Variants in SCFD2 observed in about 807,000 individuals in gnomAD.
SCFD2 encodes sec1 family domain containing 2.
Under a neutral mutation model 58.9 loss-of-function variants are expected in SCFD2, and 54 were observed. That is an observed-to-expected ratio of 0.92 (90% CI 0.74 to 1.15). The LOEUF is 1.15. Ranked by LOEUF, SCFD2 falls within the 50% of genes most tolerant of loss-of-function variation. The probability of loss-of-function intolerance (pLI) is 0.00; values close to 1 mark genes in which losing one functional copy is unlikely to be tolerated. For synonymous variants in SCFD2, 321 were observed against 335.9 expected (o/e 0.96, Z 0.49); for missense variants, 805 against 836.6 (o/e 0.96, Z 0.47).
chr4:53,287,150 T>C (rs1290059127), intron 3 of SCFD2, among the ~76,000 whole-genome samples: 5 of 152,168 alleles, frequency 3.3e-5, no homozygotes, highest in African/African-American at 1.2e-4. Context: ...TCCCCAACTT[T>C]GTGGGAGAGT....
intron 7 of SCFD2, among the ~76,000 whole-genome samples, chr4:52,897,205 T>C (rs1176530597): frequency 6.6e-6 from 1 of 151,962 alleles, no homozygotes; most frequent in Non-Finnish European, 1.5e-5. Context: ...TGAACAGGAG[T>C]GGTGAGAGAG....
intron 5 of SCFD2, among the ~76,000 whole-genome samples, chr4:53,072,913 T>C (rs1723863341): frequency 1.3e-5 from 2 of 152,136 alleles, no homozygotes; most frequent in African/African-American, 4.8e-5. Flanking sequence ...GACAGTGATG[T>C]CGCTTCATTA....
At chr4:53,349,056 C>G (rs1300771388) in intron 2 of SCFD2, among the ~76,000 whole-genome samples, 1 of 152,028 alleles carries the variant, frequency 6.6e-6, no homozygotes, top group Non-Finnish European at 1.5e-5. Context: ...CACTCATAGT[C>G]TAATGAGAAG....
chr4:53,341,016 G>C (rs1462142403), intron 2 of SCFD2, among the ~76,000 whole-genome samples: 1 of 152,176 alleles, frequency 6.6e-6, no homozygotes, highest in Non-Finnish European at 1.5e-5. Context: ...GGAAAAAACA[G>C]AGCAGAAAAG....
intron 5 of SCFD2, among the ~76,000 whole-genome samples, chr4:52,940,085 C>T (rs1720252471): frequency 6.6e-6 from 1 of 152,226 alleles, no homozygotes. Context: ...GCTAGTCTTC[C>T]CTGCTGGGCT....
intron 5 of SCFD2, among the ~76,000 whole-genome samples, chr4:52,935,641 T>C (rs1036874733): frequency 1.3e-5 from 2 of 152,226 alleles, no homozygotes; most frequent in Non-Finnish European, 2.9e-5. Context: ...CACCGCTGTC[T>C]GATACACAGA....
intron 1 of SCFD2, among the ~76,000 whole-genome samples, chr4:53,360,934 A>G (rs145551453): frequency 0.012 from 1,796 of 152,196 alleles, 31 homozygotes; most frequent in Middle Eastern, 0.031. Flanking sequence ...CTCTTTTTAC[A>G]TGTTGCCTTG....
At chr4:53,113,848 C>T (rs963352347) in intron 5 of SCFD2, among the ~76,000 whole-genome samples, 2 of 151,894 alleles carry the variant, frequency 1.3e-5, no homozygotes, top group African/African-American at 4.8e-5. Flanking sequence ...ATTATTTCTT[C>T]TCACTATTGT....
At chr4:53,148,513 G>T (rs571814246) in intron 4 of SCFD2, among the ~76,000 whole-genome samples, 1 of 152,152 alleles carries the variant, frequency 6.6e-6, no homozygotes, top group South Asian at 2.1e-4. Context: ...TTCCAACCCC[G>T]ATTGTTCCTC....
chr4:53,301,068 A>C (rs1410778517), intron 3 of SCFD2, among the ~76,000 whole-genome samples: 1 of 152,170 alleles, frequency 6.6e-6, no homozygotes, highest in Non-Finnish European at 1.5e-5. Context: ...ACACATTCAA[A>C]AGCTAGCAGA....
chr4:53,258,495 TTTTG>T (rs1391007516), intron 4 of SCFD2, among the ~76,000 whole-genome samples: 10 of 149,748 alleles, frequency 6.7e-5, no homozygotes, highest in African/African-American at 2.5e-4. Flanking sequence ...AATGCCATTA[TTTTG>T]TTTCTTTTTA....
intron 3 of SCFD2, among the ~76,000 whole-genome samples, chr4:53,291,982 A>G (rs1311928210): frequency 6.6e-6 from 1 of 151,750 alleles, no homozygotes; most frequent in Admixed American, 6.6e-5. Flanking sequence ...ATTAATTCAA[A>G]ATTTTTTTAA....
rs1043980398 is a variant in SCFD2 at position 53,290,325 on chromosome 4, C to CA, written c.1136-16325dup. 9.2e-5 allele frequency among the ~76,000 whole-genome samples: 14 copies of CA among 151,406 alleles called. No homozygotes were observed. The East Asian group carries it at 1.5e-3, about 17-fold the overall frequency. ...GAAATCAGTAATAGGAGAAATATTG[C>CA]AAAAAAAATCACAAATATATGAAAA... On this transcript the variant is annotated intron_variant, in intron 3 of 8. Transcript: ENST00000401642.
intron 5 of SCFD2, among the ~76,000 whole-genome samples, chr4:53,102,061 A>G (rs899350039): frequency 6.6e-6 from 1 of 152,214 alleles, no homozygotes; most frequent in Non-Finnish European, 1.5e-5. Context: ...ATGAATGCAC[A>G]TGCAAATCAA....
At chr4:52,960,930 T>A (rs1190074516) in intron 5 of SCFD2, among the ~76,000 whole-genome samples, 1 of 151,984 alleles carries the variant, frequency 6.6e-6, no homozygotes, top group Admixed American at 6.6e-5. Flanking sequence ...AGGAAGTGAG[T>A]ATCGTAGGAG....
chr4:53,028,080 C>G (rs950652168), intron 5 of SCFD2, among the ~76,000 whole-genome samples: 12 of 151,740 alleles, frequency 7.9e-5, no homozygotes, highest in Non-Finnish European at 1.6e-4. Flanking sequence ...AACCTTGTCT[C>G]TACTAAAAAT....
intron 5 of SCFD2, among the ~76,000 whole-genome samples, chr4:52,926,008 C>A (rs772601965): frequency 1.1e-4 from 16 of 152,128 alleles, no homozygotes; most frequent in Non-Finnish European, 2.1e-4. Flanking sequence ...ACTGAAGCCC[C>A]TTTCCTTCAG....
At chr4:52,921,233 C>G (rs913494321) in intron 5 of SCFD2, among the ~76,000 whole-genome samples, 1 of 152,046 alleles carries the variant, frequency 6.6e-6, no homozygotes, top group Admixed American at 6.6e-5. Flanking sequence ...AAGGAAAATA[C>G]GAGAGACTGT....
At position 53,110,309 on chromosome 4, in the gene SCFD2, T is replaced by C. The variant is rs146048564; in HGVS notation, c.1561+35024A>G. On this transcript the variant is annotated intron_variant, in intron 5 of 8. Coordinates refer to ENST00000401642, the MANE Select transcript of SCFD2 (RefSeq NM_152540.4). ...AAACCCTAGAGGAAAACCTAGGCAA[T>C]AGCATTCAGGAGATAGGCATGGGCA... is the stretch of plus-strand genomic sequence containing the variant. 4.2e-3 allele frequency among the ~76,000 whole-genome samples: 644 copies of C among 152,192 alleles called. 4 individuals carry two copies. Among genetic ancestry groups the C allele is most frequent in the African/African-American group, 0.015 (610 of 41,504 alleles).
Sources: allele counts gnomAD v4.1 joint callset (sites outside exome capture counted in the v4.1 genomes callset), GRCh38; gene constraint gnomAD v4.1.1; transcripts MANE v1.5; gene names NCBI Gene and HGNC (gene_info 2026-07-23, HGNC 2026-07-21).